Variants in PVT1 observed in about 807,000 individuals in gnomAD.
The protein encoded by PVT1 is Pvt1 oncogene.
chr8:127,934,637 G>A (rs1471034669), intron 3 of PVT1, among the ~76,000 whole-genome samples: 1 of 151,552 alleles, frequency 6.6e-6, no homozygotes, highest in African/African-American at 2.4e-5. Flanking sequence ...ACTCCTTCAT[G>A]GCAGGCTTCC....
intron 2 of PVT1, among the ~76,000 whole-genome samples, chr8:127,867,859 C>T (rs1311048707): frequency 6.6e-6 from 1 of 152,160 alleles, no homozygotes; most frequent in African/African-American, 2.4e-5. Context: ...AATAAAATCA[C>T]TGTTGCTGCC....
At chr8:127,863,551 C>A (rs1815252586) in intron 2 of PVT1, among the ~76,000 whole-genome samples, 1 of 152,186 alleles carries the variant, frequency 6.6e-6, no homozygotes, top group East Asian at 1.9e-4. Context: ...CACCTTAAAC[C>A]CCTAAATCAG....
chr8:128,000,245 A>T (rs184040394), intron 4 of PVT1, among the ~76,000 whole-genome samples: 27 of 152,300 alleles, frequency 1.8e-4, no homozygotes, highest in Admixed American at 1.7e-3. Context: ...GAAACAGTTG[A>T]CGTATCATGT....
At chr8:127,878,387 C>T (rs1815429208) in intron 2 of PVT1, among the ~76,000 whole-genome samples, 1 of 152,170 alleles carries the variant, frequency 6.6e-6, no homozygotes, top group Non-Finnish European at 1.5e-5. Flanking sequence ...AGCCTTCCCC[C>T]AACTCTGCAA....
intron 2 of PVT1, among the ~76,000 whole-genome samples, chr8:127,888,098 G>T (rs1280692892): frequency 6.6e-6 from 1 of 151,494 alleles, no homozygotes; most frequent in East Asian, 2.0e-4. Flanking sequence ...GTGCCACCAC[G>T]CCTGGCTGAT....
chr8:127,860,535 T>C (rs1018267860), intron 2 of PVT1, among the ~76,000 whole-genome samples: 1 of 151,634 alleles, frequency 6.6e-6, no homozygotes, highest in African/African-American at 2.4e-5. Context: ...GAGGCCAAGG[T>C]GGGCGGATCA....
intron 3 of PVT1, among the ~76,000 whole-genome samples, chr8:127,912,136 C>T (rs1400003170): frequency 6.6e-6 from 1 of 152,192 alleles, no homozygotes. Flanking sequence ...TTCTGTGATC[C>T]TGCAGTTTGA....
At chr8:127,933,498 G>A (rs1172480805) in intron 3 of PVT1, among the ~76,000 whole-genome samples, 1 of 152,214 alleles carries the variant, frequency 6.6e-6, no homozygotes, top group African/African-American at 2.4e-5. Flanking sequence ...TGCGGGTATA[G>A]GTGGGTATAG....
At chr8:127,947,965 G>C (rs532864604) in intron 3 of PVT1, 220 of 454,530 alleles carry the variant, frequency 4.8e-4, no homozygotes, top group Admixed American at 1.8e-3. Flanking sequence ...TGCAGAGCCT[G>C]TGCACAGGGG....
intron 2 of PVT1, among the ~76,000 whole-genome samples, chr8:127,802,989 T>C (rs1288977085): frequency 6.6e-6 from 1 of 151,860 alleles, no homozygotes; most frequent in Non-Finnish European, 1.5e-5. Context: ...GTTCAAGGCC[T>C]TGGACTGCAA....
intron 3 of PVT1, among the ~76,000 whole-genome samples, chr8:127,922,687 C>T (rs1816077089): frequency 6.6e-6 from 1 of 152,212 alleles, no homozygotes; most frequent in African/African-American, 2.4e-5. Flanking sequence ...CTACTGCCAA[C>T]ACAGTGGTAG....
intron 3 of PVT1, among the ~76,000 whole-genome samples, chr8:127,955,843 C>G (rs1385704689): frequency 2.0e-5 from 3 of 152,216 alleles, no homozygotes; most frequent in Admixed American, 6.5e-5. Context: ...CCTCGGCCTC[C>G]CAAAGTGCTG....
At chr8:127,984,978 C>T (rs28656332) in intron 3 of PVT1, among the ~76,000 whole-genome samples, 2,999 of 127,728 alleles carry the variant, frequency 0.023, 370 homozygotes, top group African/African-American at 0.11. Context: ...CTCCTTCCTT[C>T]CTTTCTTTCT....
rs539159696 is a variant in PVT1 at position 127,894,745 on chromosome 8, C to G, written n.782+3747C>G. Among the ~76,000 whole-genome samples the G allele has an allele frequency of 2.0e-5, 3 of 152,300 alleles. No homozygotes were observed. The South Asian group carries it at 6.2e-4, about 32-fold the overall frequency. ...CTATTAGTGACATGTGGACCTAGTCCTCCTGAAGAGGACTACATTGGGGCA... is the reference window on the plus strand; with the variant it reads ...CTATTAGTGACATGTGGACCTAGTCGTCCTGAAGAGGACTACATTGGGGCA... On this transcript the variant is annotated intron_variant and non_coding_transcript_variant, in intron 3 of 10. Coordinates refer to ENST00000651587, the Ensembl canonical transcript of PVT1.
At chr8:127,884,432 C>G (rs1417963681) in intron 2 of PVT1, among the ~76,000 whole-genome samples, 1 of 152,182 alleles carries the variant, frequency 6.6e-6, no homozygotes, top group African/African-American at 2.4e-5. Context: ...CTGTGATATC[C>G]TTAGACTTGT....
Position 128,006,977 on chromosome 8 carries a change from G to T in PVT1, n.912+17686G>T, listed in dbSNP as rs114332626. Among the ~76,000 whole-genome samples, 664 of 152,318 alleles carry T rather than the reference G, an allele frequency of 4.4e-3. 4 individuals are homozygous for T. Among genetic ancestry groups the T allele is most frequent in the African/African-American group, 0.015 (629 of 41,560 alleles). ...AGCCCTGGAATCAGCCATTGCTGCT[G>T]TGCTATCCTTGACAGAACTATAACC... is the stretch of plus-strand genomic sequence containing the variant. On this transcript the variant is annotated intron_variant and non_coding_transcript_variant, in intron 4 of 10. Transcript: ENST00000651587.
chr8:127,949,306 A>G (rs531470161), intron 3 of PVT1, among the ~76,000 whole-genome samples: 2 of 151,494 alleles, frequency 1.3e-5, no homozygotes, highest in Non-Finnish European at 2.9e-5. Flanking sequence ...TATGGGACAC[A>G]TTGAAGACCA....
At chr8:127,867,729 T>G (rs923390494) in intron 2 of PVT1, among the ~76,000 whole-genome samples, 1 of 150,484 alleles carries the variant, frequency 6.6e-6, no homozygotes, top group African/African-American at 2.4e-5. Context: ...GCGGGTGGGG[T>G]GGGGAGAAGG....
chr8:128,021,345 G>A (rs1199273864), intron 4 of PVT1, among the ~76,000 whole-genome samples: 1 of 140,848 alleles, frequency 7.1e-6, no homozygotes, highest in African/African-American at 2.6e-5. Context: ...TCAGGCTGGA[G>A]CACGGTGGCG....
Sources: allele counts gnomAD v4.1 joint callset (sites outside exome capture counted in the v4.1 genomes callset), GRCh38; gene constraint gnomAD v4.1.1; transcripts MANE v1.5; gene names NCBI Gene and HGNC (gene_info 2026-07-23, HGNC 2026-07-21).